Variants in SUPT3H observed in about 807,000 individuals in gnomAD.
SUPT3H encodes SPT3 homolog, SAGA and STAGA complex component, also known as transcription initiation protein SPT3 homolog.
SUPT3H carries 44 observed loss-of-function variants against 44.3 expected under a neutral mutation model. That is an observed-to-expected ratio of 0.99 (90% CI 0.78 to 1.28). SUPT3H has a LOEUF of 1.28. Among genes scored for constraint, SUPT3H ranks in the 50% most tolerant of loss-of-function variants. The pLI is 0.00. For synonymous variants in SUPT3H, 124 were observed against 125.6 expected, an observed-to-expected ratio of 0.99 and a Z score of 0.09; for missense variants, 380 against 387.1, an observed-to-expected ratio of 0.98 and a Z score of 0.15.
chr6:45,196,404 T>C (rs1285012), intron 2 of SUPT3H, among the ~76,000 whole-genome samples: 3,095 of 152,114 alleles, frequency 0.02, 43 homozygotes, highest in Non-Finnish European at 0.032. Flanking sequence ...GCAGTTCATG[T>C]TGAAAATTTA....
intron 3 of SUPT3H, among the ~76,000 whole-genome samples, chr6:45,025,555 A>C (rs1263567074): frequency 2.0e-5 from 3 of 152,212 alleles, no homozygotes; most frequent in Non-Finnish European, 4.4e-5. Flanking sequence ...AATTCAGCAC[A>C]AAGATTTCTC....
chr6:45,220,093 T>TA (rs1376746376), intron 2 of SUPT3H, among the ~76,000 whole-genome samples: 4 of 128,144 alleles, frequency 3.1e-5, no homozygotes, highest in Admixed American at 1.5e-4. Flanking sequence ...CACAATCTAT[T>TA]AAAAAAAAGA....
intron 11 of SUPT3H, among the ~76,000 whole-genome samples, chr6:44,819,970 C>T (rs560176841): frequency 2.0e-5 from 3 of 152,190 alleles, no homozygotes; most frequent in East Asian, 1.9e-4. Context: ...TGCCTGTAAT[C>T]CCAACACTTT....
chr6:44,894,006 T>C, intron 10 of SUPT3H, among the ~76,000 whole-genome samples: 1 of 138,308 alleles, frequency 7.2e-6, no homozygotes, highest in Admixed American at 7.7e-5. Context: ...GTTTTTTGGC[T>C]GCATAAATGT....
chr6:44,950,341 T>C (rs538614153), intron 9 of SUPT3H, among the ~76,000 whole-genome samples: 2 of 152,336 alleles, frequency 1.3e-5, no homozygotes, highest in East Asian at 3.9e-4. Context: ...TCCTAAGAAA[T>C]TCACAGGCAA....
intron 3 of SUPT3H, among the ~76,000 whole-genome samples, chr6:45,038,413 C>T (rs1021633775): frequency 2.0e-5 from 3 of 152,134 alleles, no homozygotes; most frequent in African/African-American, 7.2e-5. Context: ...ACCAACAGCT[C>T]ACAATGCCTA....
chr6:45,233,064 A>G (rs886537388), intron 2 of SUPT3H, among the ~76,000 whole-genome samples: 5 of 152,180 alleles, frequency 3.3e-5, no homozygotes, highest in Non-Finnish European at 7.3e-5. Flanking sequence ...GGGCAGGGTC[A>G]CTTCTCACAG....
At chr6:45,109,051 G>T (rs960516936) in intron 2 of SUPT3H, among the ~76,000 whole-genome samples, 12 of 152,106 alleles carry the variant, frequency 7.9e-5, no homozygotes, top group African/African-American at 2.9e-4. Context: ...ATATAAATTG[G>T]TTCTAAACAT....
rs568552512 is a variant in SUPT3H at position 45,296,517 on chromosome 6, T to C, written c.101+68684A>G. Among the ~76,000 whole-genome samples, 25 of 151,944 alleles carry C rather than the reference T, an allele frequency of 1.6e-4. No homozygotes were observed. The South Asian group carries it at 5.2e-3, about 32-fold the overall frequency. On this transcript the variant is annotated intron_variant, in intron 2 of 10. Coordinates refer to ENST00000371459, the MANE Select transcript of SUPT3H (RefSeq NM_003599.4). ...ACTTTGGGAGGGCAAGGTGGGCAGA[T>C]TACCTGAGGCCAGGAGTTTGAGACT...
chr6:44,896,815 G>T (rs3997499), intron 10 of SUPT3H, among the ~76,000 whole-genome samples: 30,504 of 152,090 alleles, frequency 0.2, 3,844 homozygotes, highest in Non-Finnish European at 0.29. Context: ...CCTGAAGTCA[G>T]CGTGTATACA....
chr6:45,258,966 T>C (rs1178911172), intron 2 of SUPT3H, among the ~76,000 whole-genome samples: 1 of 152,182 alleles, frequency 6.6e-6, no homozygotes, highest in Non-Finnish European at 1.5e-5. Flanking sequence ...AAGTTTAATT[T>C]AAAATAATTT....
intron 10 of SUPT3H, among the ~76,000 whole-genome samples, chr6:44,884,917 C>T (rs1778889652): frequency 6.6e-6 from 1 of 152,178 alleles, no homozygotes; most frequent in East Asian, 1.9e-4. Context: ...CACCCTAATA[C>T]TGCGCTTTTC....
intron 2 of SUPT3H, among the ~76,000 whole-genome samples, chr6:45,318,075 G>C (rs748693769): frequency 1.3e-5 from 2 of 152,156 alleles, no homozygotes. Flanking sequence ...AAAAGGACTT[G>C]CAGGATTGGG....
At chr6:44,978,606 G>C (rs1332438030) in intron 6 of SUPT3H, among the ~76,000 whole-genome samples, 1 of 152,340 alleles carries the variant, frequency 6.6e-6, no homozygotes, top group Non-Finnish European at 1.5e-5. Context: ...TGTTTCATTA[G>C]TTTGTAGGCT....
chr6:45,376,862 T>C (rs1210125951), intron 1 of SUPT3H, among the ~76,000 whole-genome samples: 2 of 152,184 alleles, frequency 1.3e-5, no homozygotes, highest in Non-Finnish European at 2.9e-5. Flanking sequence ...TACATACATA[T>C]ATACACATAC....
intron 2 of SUPT3H, among the ~76,000 whole-genome samples, chr6:45,173,227 T>A (rs1562604818): frequency 1.3e-5 from 2 of 152,216 alleles, no homozygotes; most frequent in Non-Finnish European, 2.9e-5. Context: ...GGTTACTACT[T>A]GAAATATTAT....
chr6:44,872,518 C>A (rs1383361424), intron 10 of SUPT3H, among the ~76,000 whole-genome samples: 1 of 151,994 alleles, frequency 6.6e-6, no homozygotes, highest in Admixed American at 6.6e-5. Context: ...TGGAAAGGAA[C>A]AACCGGTACC....
chr6:44,850,166 G>A (rs770853292), intron 10 of SUPT3H, among the ~76,000 whole-genome samples: 1 of 152,190 alleles, frequency 6.6e-6, no homozygotes, highest in Non-Finnish European at 1.5e-5. Context: ...TGCTACTAAT[G>A]TAAGAATGCA....
At position 45,179,835 on chromosome 6, in the gene SUPT3H, C is replaced by T. The variant is rs559355422; in HGVS notation, c.102-73829G>A. Among the ~76,000 whole-genome samples, 828 of 152,300 alleles carry T rather than the reference C, an allele frequency of 5.4e-3. 9 individuals carry two copies. The highest frequency in any genetic ancestry group is 8.0e-3 in the Non-Finnish European group (542 of 68,022). On this transcript the variant is annotated intron_variant, in intron 2 of 10. Coordinates refer to ENST00000371459, the MANE Select transcript of SUPT3H (RefSeq NM_003599.4). Reference sequence around the variant, plus strand: ...AAGACAGGGATGCCCTCTCTCACCACTCCTATTCAACATAGTGATGGAAGT... The same window carrying T: ...AAGACAGGGATGCCCTCTCTCACCATTCCTATTCAACATAGTGATGGAAGT...
Sources: gnomAD v4.1 joint callset for allele counts (sites outside exome capture counted in the v4.1 genomes callset) on GRCh38, gnomAD v4.1.1 for gene constraint, MANE v1.5 for transcripts, NCBI Gene and HGNC (gene_info 2026-07-23, HGNC 2026-07-21) for gene names.